The following TTC6 variants were observed in gnomAD, a reference collection of about 807,000 sequenced individuals.
TTC6 encodes tetratricopeptide repeat protein 6.
TTC6 carries 172 observed loss-of-function variants against 210.4 expected under a neutral mutation model. That is an observed-to-expected ratio of 0.82 (90% CI 0.72 to 0.93). TTC6 has a LOEUF of 0.93. Ranked by LOEUF, TTC6 falls within the 40% of genes least tolerant of loss-of-function variation. The pLI is 0.00. For missense variants in TTC6, 2,414 were observed against 2,318.1 expected (o/e 1.04, Z -0.85); for synonymous variants, 804 against 819.6 (o/e 0.98, Z 0.32).
intron 29 of TTC6, among the ~76,000 whole-genome samples, chr14:37,833,396 C>T (rs1195844629): frequency 1.3e-5 from 2 of 152,026 alleles, no homozygotes; most frequent in Non-Finnish European, 2.9e-5. Context: ...TGTTTTTTGA[C>T]TTGAAGTCTG....
At chr14:37,680,902 A>G (rs934725928) in intron 2 of TTC6, among the ~76,000 whole-genome samples, 1 of 152,166 alleles carries the variant, frequency 6.6e-6, no homozygotes, top group African/African-American at 2.4e-5. Flanking sequence ...ACCCCCACAT[A>G]CATAAAATCG....
exon 5 of TTC6, chr14:37,701,352 T>A (rs1478072668): frequency 6.9e-7 from 1 of 1,455,326 alleles, no homozygotes; most frequent in African/African-American, 1.4e-5. Context: ...GACTACTCCA[T>A]GCCGCACCTT....
At chr14:37,596,319 C>T (rs2095604439) in intron 1 of TTC6, among the ~76,000 whole-genome samples, 1 of 152,248 alleles carries the variant, frequency 6.6e-6, no homozygotes, top group South Asian at 2.1e-4. Flanking sequence ...GGCCTGGGCG[C>T]GGGAACGCAT....
chr14:37,632,782 G>T (rs1186508319), intron 1 of TTC6, among the ~76,000 whole-genome samples: 1 of 152,188 alleles, frequency 6.6e-6, no homozygotes, highest in Non-Finnish European at 1.5e-5. Context: ...AGCCATGAGT[G>T]GGGCTCCTGC....
rs191030931 is a variant in TTC6, at chr14:37,773,489, C to A, written c.3267-13979C>A. ...CTTCTGCATATGGCTAGCCAGTCATCCCAGCACCATTTATTAAACAGGGAG... is the reference window on the plus strand; with the variant it reads ...CTTCTGCATATGGCTAGCCAGTCATACCAGCACCATTTATTAAACAGGGAG... On this transcript the variant is annotated intron_variant, in intron 14 of 30. Coordinates refer to ENST00000553443, the Ensembl canonical transcript of TTC6. Among the ~76,000 whole-genome samples, 16 of 152,274 alleles carry A rather than the reference C, an allele frequency of 1.1e-4. No individual in the cohort carries two copies. In the East Asian group the frequency reaches 3.1e-3, roughly 29 times the overall value.
intron 1 of TTC6, among the ~76,000 whole-genome samples, chr14:37,624,486 C>T (rs2095656793): frequency 6.6e-6 from 1 of 152,084 alleles, no homozygotes; most frequent in South Asian, 2.1e-4. Flanking sequence ...AAAGTTATAC[C>T]TCAGAGCAGG....
chr14:37,766,653 A>G, intron 14 of TTC6, among the ~76,000 whole-genome samples: 1 of 152,176 alleles, frequency 6.6e-6, no homozygotes, highest in East Asian at 1.9e-4. Context: ...ACTATTGTGA[A>G]AATTGCTTCA....
intron 14 of TTC6, among the ~76,000 whole-genome samples, chr14:37,765,570 G>C (rs1020513018): frequency 6.6e-6 from 1 of 151,998 alleles, no homozygotes; most frequent in African/African-American, 2.4e-5. Flanking sequence ...AGAACAAAAA[G>C]AGTAATTAGA....
intron 8 of TTC6, 89 bp from the exon 11 acceptor site, chr14:37,737,567 TTACC>T: frequency 1.7e-6 from 1 of 598,476 alleles, no homozygotes; most frequent in Non-Finnish European, 2.6e-6. Flanking sequence ...TTTCATTAAT[TTACC>T]TAAACAGTTA....
At chr14:37,609,694 G>A (rs578005450) in intron 2 of TTC6, among the ~76,000 whole-genome samples, 19 of 152,092 alleles carry the variant, frequency 1.2e-4, no homozygotes, top group African/African-American at 4.1e-4. Flanking sequence ...ATATTTCAAG[G>A]TTACATTAAT....
At chr14:37,655,117 A>G (rs563310086) in intron 1 of TTC6, among the ~76,000 whole-genome samples, 1 of 152,334 alleles carries the variant, frequency 6.6e-6, no homozygotes, top group South Asian at 2.1e-4. Context: ...CTGTCAAACT[A>G]CTTGCTTGTC....
At chr14:37,762,288 G>A (rs2095986858) in intron 14 of TTC6, among the ~76,000 whole-genome samples, 1 of 152,048 alleles carries the variant, frequency 6.6e-6, no homozygotes, top group Non-Finnish European at 1.5e-5. Context: ...TAAGAAATGT[G>A]GAGTACAGAT....
At chr14:37,626,657 C>A (rs913120069) in intron 1 of TTC6, among the ~76,000 whole-genome samples, 5 of 152,146 alleles carry the variant, frequency 3.3e-5, no homozygotes, top group Non-Finnish European at 5.9e-5. Flanking sequence ...GTGGTGAATT[C>A]TCTGACTTTT....
chr14:37,707,996 C>G (rs900762121), intron 5 of TTC6, among the ~76,000 whole-genome samples: 5 of 152,014 alleles, frequency 3.3e-5, no homozygotes, highest in African/African-American at 1.2e-4. Context: ...TATAGTTTCT[C>G]TCTGTGATCG....
chr14:37,624,788 A>G (rs1043305527), intron 1 of TTC6, among the ~76,000 whole-genome samples: 4 of 151,746 alleles, frequency 2.6e-5, no homozygotes, highest in Admixed American at 1.3e-4. Flanking sequence ...TGCCCGGCTA[A>G]TTTTTTGTAT....
intron 1 of TTC6, among the ~76,000 whole-genome samples, chr14:37,650,557 G>C (rs1307810118): frequency 3.3e-5 from 5 of 152,186 alleles, no homozygotes; most frequent in Non-Finnish European, 7.3e-5. Context: ...TTTCCTATGG[G>C]AAAGTGTGTG....
rs563909185 is a variant in TTC6 at position 37,730,115 on chromosome 14, C to A, written c.1818+5113C>A. Among the ~76,000 whole-genome samples, 5 of 152,290 alleles carry A rather than the reference C, an allele frequency of 3.3e-5. No individual in the cohort carries two copies. The South Asian group carries it at 1.0e-3, about 32-fold the overall frequency. Reference sequence around the variant, plus strand: ...TTCATTTCACCGGAACTGGCATTGACTCTTTCTTCAAAGACTCCTGGTTGT... The same window carrying A: ...TTCATTTCACCGGAACTGGCATTGAATCTTTCTTCAAAGACTCCTGGTTGT... On this transcript the variant is annotated intron_variant, in intron 7 of 30. Transcript: ENST00000553443.
intron 18 of TTC6, among the ~76,000 whole-genome samples, chr14:37,795,818 C>G (rs75706951): frequency 0.026 from 3,896 of 152,212 alleles, 60 homozygotes; most frequent in Non-Finnish European, 0.038. Context: ...TGCAGTAGAA[C>G]TTTCTATAAA....
At chr14:37,602,318 T>C (rs1257922534) in intron 1 of TTC6, among the ~76,000 whole-genome samples, 1 of 152,270 alleles carries the variant, frequency 6.6e-6, no homozygotes, top group Admixed American at 6.5e-5. Flanking sequence ...TATTTTATTC[T>C]ACATAAGATA....
Sources: gnomAD v4.1 joint callset for allele counts (sites outside exome capture counted in the v4.1 genomes callset) on GRCh38, gnomAD v4.1.1 for gene constraint, MANE v1.5 for transcripts, NCBI Gene and HGNC (gene_info 2026-07-23, HGNC 2026-07-21) for gene names.